The following EFNA5 variants were observed in gnomAD, a reference collection of about 807,000 sequenced individuals.
EFNA5 encodes the protein ephrin-A5.
EFNA5 carries 5 observed loss-of-function variants against 22.9 expected under a neutral mutation model. That is an observed-to-expected ratio of 0.22 (90% CI 0.11 to 0.46). EFNA5 has a LOEUF of 0.46. EFNA5 is among the 20% of genes least tolerant of loss of function. EFNA5 has a pLI of 0.99. For missense variants in EFNA5, 237 were observed against 293.3 expected, an observed-to-expected ratio of 0.81 and a Z score of 1.40; for synonymous variants, 113 against 112.2, an observed-to-expected ratio of 1.01 and a Z score of -0.04.
chr5:107,656,647 G>C (rs146073939), intron 1 of EFNA5, among the ~76,000 whole-genome samples: 2 of 152,172 alleles, frequency 1.3e-5, no homozygotes, highest in African/African-American at 4.8e-5. Flanking sequence ...ATTTATTGAA[G>C]TATGATTGAC....
intron 1 of EFNA5, among the ~76,000 whole-genome samples, chr5:107,500,836 T>A (rs551110494): frequency 1.3e-5 from 2 of 151,744 alleles, no homozygotes; most frequent in East Asian, 3.9e-4. Flanking sequence ...CTTGACTTTG[T>A]TTCTTCAAAT....
Position 107,427,357 on chromosome 5 carries a change from G to T in EFNA5, c.278C>A (p.Thr93Asn), listed in dbSNP as rs1313861624. 1 of 1,614,116 alleles carries T rather than the reference G, an allele frequency of 6.2e-7. No individual in the cohort carries two copies. Among genetic ancestry groups the T allele is most frequent in the Non-Finnish European group, 8.5e-7 (1 of 1,180,010 alleles). The change falls in exon 2 of 5, where the codon ACT becomes AAT. Residue 93 changes from threonine to asparagine, a missense_variant. Physicochemically the swap from Thr to Asn is moderately conservative, Grantham distance 65. Around this residue, in one of 3 missense-constraint regions of EFNA5, gnomAD observed 120 missense variants for 140.5 expected, o/e 0.85. Transcript: ENST00000333274. ...TTCCCATCTCTTGAACCCTTTGGAAGTGTGGTCGCAGGCACTGTAGCCATC... is the reference window on the plus strand; with the variant it reads ...TTCCCATCTCTTGAACCCTTTGGAATTGTGGTCGCAGGCACTGTAGCCATC... ...NFDGYSACDH[T>N]SKGFKRWECN...
In EFNA5 at chr5:107,592,028, T is replaced by A. The variant is rs181902722; in HGVS notation, c.125+78461A>T. ...TATAATATATATAATATAATATATA[T>A]TATATATTATATATATTATACATTA... On this transcript the variant is annotated intron_variant, in intron 1 of 4. Transcript: ENST00000333274. 2.7e-3 allele frequency among the ~76,000 whole-genome samples: 186 copies of A among 68,442 alleles called. 21 individuals are homozygous for A. Among genetic ancestry groups the A allele is most frequent in the African/African-American group, 0.02 (171 of 8,418 alleles). The allele number at this position is 68,442 out of a possible 152,430, so 44.9% of individuals were successfully genotyped here. A position where few individuals can be genotyped will look rare whatever the true frequency, so the allele number is the denominator to read the frequency against.
chr5:107,619,912 T>G (rs1750001070), intron 1 of EFNA5, among the ~76,000 whole-genome samples: 1 of 152,200 alleles, frequency 6.6e-6, no homozygotes, highest in South Asian at 2.1e-4. Flanking sequence ...TGTTTCTACC[T>G]CTGGCTACAA....
At chr5:107,660,293 TATATA>T (rs1378165798) in intron 1 of EFNA5, among the ~76,000 whole-genome samples, 2 of 117,064 alleles carry the variant, frequency 1.7e-5, no homozygotes, top group Non-Finnish European at 3.6e-5. Flanking sequence ...TATATATATA[TATATA>T]TATATATATA....
chr5:107,586,569 A>G (rs931578963), intron 1 of EFNA5, among the ~76,000 whole-genome samples: 2 of 152,182 alleles, frequency 1.3e-5, no homozygotes, highest in Non-Finnish European at 2.9e-5. Flanking sequence ...TCACTGGATG[A>G]CTGTTTTTAT....
intron 1 of EFNA5, among the ~76,000 whole-genome samples, chr5:107,625,180 T>A (rs1178678925): frequency 6.6e-6 from 1 of 152,180 alleles, no homozygotes; most frequent in African/African-American, 2.4e-5. Context: ...GGAAACTTTT[T>A]AAAATTTTTA....
intron 2 of EFNA5, among the ~76,000 whole-genome samples, chr5:107,421,727 T>G (rs1309512001): frequency 6.6e-6 from 1 of 152,114 alleles, no homozygotes; most frequent in African/African-American, 2.4e-5. Context: ...AATCTGTTTT[T>G]AAAAAATATA....
intron 1 of EFNA5, among the ~76,000 whole-genome samples, chr5:107,587,477 A>G (rs971013678): frequency 6.6e-6 from 1 of 152,178 alleles, no homozygotes. Flanking sequence ...GCTCTAAGAC[A>G]ATGACATCAG....
intron 1 of EFNA5, among the ~76,000 whole-genome samples, chr5:107,591,243 T>G: frequency 6.6e-6 from 1 of 152,086 alleles, no homozygotes; most frequent in East Asian, 1.9e-4. Flanking sequence ...CATTTAAAAG[T>G]CAATGTGGAG....
chr5:107,661,764 A>C (rs1466541172), intron 1 of EFNA5, among the ~76,000 whole-genome samples: 1 of 152,218 alleles, frequency 6.6e-6, no homozygotes, highest in East Asian at 1.9e-4. Context: ...GAGTTCAGTA[A>C]ATGTAACAAA....
chr5:107,613,932 T>C (rs1405637437), intron 1 of EFNA5, among the ~76,000 whole-genome samples: 1 of 152,132 alleles, frequency 6.6e-6, no homozygotes, highest in Non-Finnish European at 1.5e-5. Context: ...TTGACAGTTT[T>C]GTAAAATATA....
At chr5:107,409,559 A>G (rs1748306141) in intron 2 of EFNA5, among the ~76,000 whole-genome samples, 1 of 152,234 alleles carries the variant, frequency 6.6e-6, no homozygotes, top group African/African-American at 2.4e-5. Flanking sequence ...CATATGTATT[A>G]GTGAGTGCCT....
At chr5:107,667,992 C>G (rs1751112315) in intron 1 of EFNA5, among the ~76,000 whole-genome samples, 3 of 152,126 alleles carry the variant, frequency 2.0e-5, no homozygotes, top group Non-Finnish European at 4.4e-5. Context: ...CTTAATGCAT[C>G]AAAAGAGCAA....
chr5:107,496,794 C>G (rs555224543), intron 1 of EFNA5, among the ~76,000 whole-genome samples: 4 of 152,280 alleles, frequency 2.6e-5, no homozygotes, highest in African/African-American at 9.6e-5. Context: ...AGGACTAAAC[C>G]CAGATGTAGC....
At chr5:107,545,941 G>T (rs1445370831) in intron 1 of EFNA5, among the ~76,000 whole-genome samples, 6 of 152,206 alleles carry the variant, frequency 3.9e-5, no homozygotes, top group Non-Finnish European at 7.4e-5. Context: ...CAGAGCAAAT[G>T]ACACTTCTGC....
At position 107,377,939 on chromosome 5, in the gene EFNA5, A is replaced by C. The variant is rs1412468578; in HGVS notation, c.*3316T>G. 6.6e-6 allele frequency: 1 copy of C among 152,184 alleles called. No individual in the cohort carries two copies. Among genetic ancestry groups the C allele is most frequent in the African/African-American group, 2.4e-5 (1 of 41,446 alleles). 9.4% of individuals were successfully genotyped at this position (152,184 alleles called of 1,614,324 possible). On this transcript the variant is annotated 3_prime_UTR_variant, in exon 5 of 5. Transcript: ENST00000333274. ...AAAAGTCATGTTGTTCCAGGTCCCAAGATGATGGAGTCATAAGATTGGGTG... is the reference window on the plus strand; with the variant it reads ...AAAAGTCATGTTGTTCCAGGTCCCACGATGATGGAGTCATAAGATTGGGTG...
At chr5:107,628,716 A>G (rs1431567528) in intron 1 of EFNA5, among the ~76,000 whole-genome samples, 2 of 152,184 alleles carry the variant, frequency 1.3e-5, no homozygotes, top group Non-Finnish European at 2.9e-5. Flanking sequence ...TATGAAGCCA[A>G]AATAAAATGG....
Position 107,380,830 on chromosome 5 carries a change from G to C in EFNA5, c.*425C>G, listed in dbSNP as rs1338800783. 1 of 409,096 alleles carries C rather than the reference G, an allele frequency of 2.4e-6. No homozygotes were observed. The highest frequency in any genetic ancestry group is 2.0e-5 in the African/African-American group (1 of 49,240). 25.3% of individuals were successfully genotyped at this position (409,096 alleles called of 1,614,324 possible). A position where few individuals can be genotyped will look rare whatever the true frequency, so the allele number is the denominator to read the frequency against. On this transcript the variant is annotated 3_prime_UTR_variant, in exon 5 of 5. Coordinates refer to ENST00000333274, the MANE Select transcript of EFNA5 (RefSeq NM_001962.3). ...GAAGGCATAAATATTGCATAGGAGA[G>C]CAAAACCCTCCCAGCCCTAGCCAGC...
Sources: gnomAD v4.1 joint callset for allele counts (sites outside exome capture counted in the v4.1 genomes callset) on GRCh38, gnomAD v4.1.1 for gene constraint, gnomAD v4.1.1 regional missense constraint, MANE v1.5 for transcripts, NCBI Gene and HGNC (gene_info 2026-07-23, HGNC 2026-07-21) for gene names.